PALS1: variants seen among roughly 807,000 people sequenced by gnomAD.
PALS1 encodes the protein protein PALS1.
A neutral mutation model predicts 78.9 loss-of-function variants in PALS1; 31 were observed. That is an observed-to-expected ratio of 0.39 (90% CI 0.30 to 0.53). The LOEUF (loss-of-function observed/expected upper bound fraction) is 0.53. Among genes scored for constraint, PALS1 ranks in the 20% least tolerant of loss-of-function variants. The probability of loss-of-function intolerance (pLI) is 0.67; values close to 1 mark genes in which losing one functional copy is unlikely to be tolerated. For missense variants in PALS1, 704 were observed against 826.5 expected, an observed-to-expected ratio of 0.85 and a Z score of 1.82; for synonymous variants, 276 against 270.9, an observed-to-expected ratio of 1.02 and a Z score of -0.18.
At position 67,303,572 on chromosome 14, in the gene PALS1, C is replaced by G; in HGVS notation, c.1014C>G (p.Ile338Met). 1 of 1,613,648 alleles carries G rather than the reference C, an allele frequency of 6.2e-7. No homozygotes were observed. Residue 338 changes from isoleucine to methionine, a missense_variant, in exon 8 of 15, where the codon ATC (isoleucine) becomes ATG (methionine). Ile to Met is a conservative substitution (Grantham distance 10). Transcript: ENST00000261681. ...LTFVLIPSQQ[I>M]KPPPAKETVI... ...TTGTCCTGATTCCCAGTCAACAGATCAAGCCGCCTCCTGCCAAGGAAACAG... is the reference window on the plus strand; with the variant it reads ...TTGTCCTGATTCCCAGTCAACAGATGAAGCCGCCTCCTGCCAAGGAAACAG...
At chr14:67,312,415 TA>T in intron 8 of PALS1, 111 bp from the exon 9 acceptor site, 1 of 733,156 alleles carries the variant, frequency 1.4e-6, no homozygotes, top group Non-Finnish European at 2.0e-6. Flanking sequence ...CTGTCTCTAT[TA>T]AATTTTTTTA....
At chr14:67,293,362 T>G (rs1023153831) in intron 4 of PALS1, among the ~76,000 whole-genome samples, 2 of 152,166 alleles carry the variant, frequency 1.3e-5, no homozygotes, top group African/African-American at 4.8e-5. Flanking sequence ...TCTAGCGTTT[T>G]AAGTTATTTT....
intron 1 of PALS1, among the ~76,000 whole-genome samples, chr14:67,261,444 T>C (rs998434195): frequency 6.6e-6 from 1 of 152,168 alleles, no homozygotes; most frequent in African/African-American, 2.4e-5. Flanking sequence ...TGTTTAGGGA[T>C]ATTACAGTTA....
chr14:67,324,223 C>T (rs2085312595), intron 14 of PALS1, among the ~76,000 whole-genome samples: 1 of 152,140 alleles, frequency 6.6e-6, no homozygotes. Context: ...CTTTGGTCTT[C>T]TCACATGGTT....
At position 67,333,659 on chromosome 14, in the gene PALS1, A is replaced by G. The variant is rs2085483777; in HGVS notation, c.*703A>G. On this transcript the variant is annotated 3_prime_UTR_variant, in exon 15 of 15. Coordinates refer to ENST00000261681, the MANE Select transcript of PALS1 (RefSeq NM_022474.4). The stretch of plus-strand genomic sequence containing the variant: ...TAATCTACTTAAAGGTATACAAAAT[A>G]TGCTGATCTTTTTTAAATTATGATT... The G allele has an allele frequency of 6.6e-6, 1 of 152,604 alleles. No individual in the cohort carries two copies. The highest frequency in any genetic ancestry group is 2.4e-5 in the African/African-American group (1 of 41,448). The allele number at this position is 152,604 out of a possible 1,614,324, so 9.5% of individuals were successfully genotyped here. A position where few individuals can be genotyped will look rare whatever the true frequency, so the allele number is the denominator to read the frequency against.
intron 13 of PALS1, among the ~76,000 whole-genome samples, chr14:67,322,633 T>C (rs1389390541): frequency 6.6e-6 from 1 of 152,200 alleles, no homozygotes; most frequent in Non-Finnish European, 1.5e-5. Context: ...CTATTTCAAT[T>C]ATAAATTTTT....
intron 3 of PALS1, among the ~76,000 whole-genome samples, chr14:67,287,702 T>G (rs959963298): frequency 1.3e-5 from 2 of 152,190 alleles, no homozygotes; most frequent in African/African-American, 4.8e-5. Flanking sequence ...TCCTAGAAAT[T>G]TATTCTAAGG....
rs140265640 is a variant in PALS1 at position 67,314,166 on chromosome 14, C to G, written c.1225+1456C>G. On this transcript the variant is annotated intron_variant, in intron 9 of 14. Coordinates refer to ENST00000261681, the MANE Select transcript of PALS1 (RefSeq NM_022474.4). ...CTTAGCCTTACACTGGATTTGACAA[C>G]AAGCAATAGTTTAGGGGAAAAGAAG... is the stretch of plus-strand genomic sequence containing the variant. Among the ~76,000 whole-genome samples the G allele has an allele frequency of 5.1e-3, 771 of 150,870 alleles. 3 individuals are homozygous for G. The highest frequency in any genetic ancestry group is 7.1e-3 in the Non-Finnish European group (484 of 67,872).
chr14:67,252,013 G>A (rs1253774833), intron 1 of PALS1, among the ~76,000 whole-genome samples: 1 of 152,100 alleles, frequency 6.6e-6, no homozygotes, highest in Non-Finnish European at 1.5e-5. Context: ...CAAGGTGCTG[G>A]GAGGCTGGTT....
At position 67,279,456 on chromosome 14, in the gene PALS1, A is replaced by C; in HGVS notation, c.286A>C (p.Lys96Gln). The change falls in exon 3 of 15, where the codon AAG (lysine) becomes CAG (glutamine). Residue 96 changes from lysine (K) to glutamine (Q), a missense_variant. Lys to Gln is a moderately conservative substitution (Grantham distance 53). Coordinates refer to ENST00000261681, the MANE Select transcript of PALS1 (RefSeq NM_022474.4). ...RLKKLAQIPP[K>Q]TGIDNPMFDT... ...TAAGAAACTAGCCCAAATTCCTCCA[A>C]AGACCGGAATAGATAACCCTATGTT... 10 of 1,613,004 alleles carry C rather than the reference A, an allele frequency of 6.2e-6. No individual in the cohort carries two copies. Among genetic ancestry groups the C allele is most frequent in the Non-Finnish European group, 8.5e-6 (10 of 1,179,540 alleles).
intron 8 of PALS1, 96 bp downstream of exon 8, chr14:67,303,695 C>T: frequency 1.2e-6 from 1 of 802,548 alleles, no homozygotes. Flanking sequence ...GTTTCCTGTA[C>T]TCAAATAAAT....
chr14:67,312,564 A>G lies in PALS1; in HGVS notation c.1079A>G (p.Asp360Gly). 1 of 1,607,606 alleles carries G rather than the reference A, an allele frequency of 6.2e-7. No individual in the cohort carries two copies. The highest frequency in any genetic ancestry group is 8.5e-7 in the Non-Finnish European group (1 of 1,176,458). The change falls in exon 9 of 15, where the codon GAT (aspartate) becomes GGT (glycine). Residue 360 changes from aspartate to glycine, a missense_variant. By Grantham distance (94) the Asp-to-Gly change is moderately conservative. Coordinates refer to ENST00000261681, the MANE Select transcript of PALS1 (RefSeq NM_022474.4). ...VKAHFDYDPS[D>G]DPYVPCRELG... The stretch of plus-strand genomic sequence containing the variant: ...GCTCATTTTGACTATGACCCCTCAG[A>G]TGACCCTTATGTTCCATGTCGAGAG...
At chr14:67,246,618 G>T (rs1054759318) in intron 1 of PALS1, among the ~76,000 whole-genome samples, 1 of 151,020 alleles carries the variant, frequency 6.6e-6, no homozygotes, top group Admixed American at 6.6e-5. Context: ...TAGGATTACA[G>T]GTGTTAGCCA....
intron 2 of PALS1, among the ~76,000 whole-genome samples, chr14:67,273,614 T>A (rs984794889): frequency 6.6e-6 from 1 of 152,220 alleles, no homozygotes; most frequent in African/African-American, 2.4e-5. Context: ...GCAGCATGAT[T>A]TATAATCCTT....
intron 3 of PALS1, among the ~76,000 whole-genome samples, chr14:67,287,067 A>C (rs2084701602): frequency 6.6e-6 from 1 of 151,932 alleles, no homozygotes; most frequent in South Asian, 2.1e-4. Context: ...AATACAAAAA[A>C]ATTAGTTGGG....
At chr14:67,278,011 GTAATTCT>G (rs1195863872) in intron 2 of PALS1, among the ~76,000 whole-genome samples, 1 of 150,106 alleles carries the variant, frequency 6.7e-6, no homozygotes, top group Non-Finnish European at 1.5e-5. Context: ...ATGAATCCTT[GTAATTCT>G]TGTAGAGTTA....
chr14:67,329,126 C>T (rs965989294), intron 14 of PALS1, among the ~76,000 whole-genome samples: 7 of 152,188 alleles, frequency 4.6e-5, no homozygotes, highest in African/African-American at 1.7e-4. Flanking sequence ...AATGTTCTTC[C>T]ATTTGTTTGG....
chr14:67,308,657 C>T (rs755074653), intron 8 of PALS1, among the ~76,000 whole-genome samples: 9 of 151,356 alleles, frequency 5.9e-5, no homozygotes, highest in African/African-American at 1.2e-4. Flanking sequence ...GTGATTCTCC[C>T]GCCTCAGCCT....
At chr14:67,311,180 G>A (rs909559926) in intron 8 of PALS1, among the ~76,000 whole-genome samples, 3 of 152,124 alleles carry the variant, frequency 2.0e-5, no homozygotes, top group Middle Eastern at 3.4e-3. Flanking sequence ...GCGTTGTGGT[G>A]AGTGCCTGTA....
Sources: allele counts gnomAD v4.1 joint callset (sites outside exome capture counted in the v4.1 genomes callset), GRCh38; gene constraint gnomAD v4.1.1; transcripts MANE v1.5; gene names NCBI Gene and HGNC (gene_info 2026-07-23, HGNC 2026-07-21).